The following SGF29 variants were observed in gnomAD, a reference collection of about 807,000 sequenced individuals.
The protein encoded by SGF29 is SAGA-associated factor 29.
SGF29 carries 15 observed loss-of-function variants against 38.1 expected under a neutral mutation model. The ratio of observed to expected loss-of-function variants is 0.39; its 90% CI spans 0.26 to 0.61. SGF29 has a LOEUF of 0.61. SGF29 is among the 20% of genes least tolerant of loss of function. The pLI is 0.49. For missense variants in SGF29, 184 were observed against 394.6 expected (o/e 0.47, Z 4.52); for synonymous variants, 151 against 160.8 (o/e 0.94, Z 0.46).
At chr16:28,564,634 C>CGT (rs1567285764) in intron 1 of SGF29, among the ~76,000 whole-genome samples, 1 of 86,570 alleles carries the variant, frequency 1.2e-5, no homozygotes, top group South Asian at 3.0e-4. Flanking sequence ...CATATATATA[C>CGT]GTATATATGT....
intron 1 of SGF29, among the ~76,000 whole-genome samples, chr16:28,564,292 C>A (rs1328138596): frequency 6.6e-6 from 1 of 151,612 alleles, no homozygotes; most frequent in Non-Finnish European, 1.5e-5. Flanking sequence ...AATTGGGAGC[C>A]TTGAGAGGTC....
At chr16:28,585,175 G>A in intron 3 of SGF29, 187 bp downstream of exon 3, 1 of 570,350 alleles carries the variant, frequency 1.8e-6, no homozygotes, top group South Asian at 2.3e-5. Flanking sequence ...CCTCTACTCT[G>A]AGGATTCGAA....
At chr16:28,584,788 CAAA>C (rs377573618) in intron 2 of SGF29, 122 bp from the exon 3 acceptor site, 10,073 of 408,596 alleles carry the variant, frequency 0.025, no homozygotes, top group South Asian at 0.032. Flanking sequence ...GACTCCATCT[CAAA>C]AAAAAAAAAA....
intron 2 of SGF29, among the ~76,000 whole-genome samples, chr16:28,583,057 G>GA (rs1390286595): frequency 3.9e-5 from 6 of 152,222 alleles, no homozygotes; most frequent in Non-Finnish European, 5.9e-5. Context: ...AGCTGCTGCC[G>GA]AGTTCCCAGA....
At position 28,564,695 on chromosome 16, in the gene SGF29, A is replaced by G. The variant is rs377227633; in HGVS notation, c.-16+10598A>G. Among the ~76,000 whole-genome samples, 85 of 51,870 alleles carry G rather than the reference A, an allele frequency of 1.6e-3. 3 individuals are homozygous for G. The highest frequency in any genetic ancestry group is 2.4e-3 in the Non-Finnish European group (53 of 21,672). The allele number at this position is 51,870 out of a possible 152,430, so 34.0% of individuals were successfully genotyped here. On this transcript the variant is annotated intron_variant, in intron 1 of 9. Transcript: ENST00000317058. ...TATATGTATATATATGTGTATATAT[A>G]TGTATATATATACATATATATGTAT... is the stretch of plus-strand genomic sequence containing the variant.
chr16:28,577,839 G>A (rs1334472987), intron 1 of SGF29, among the ~76,000 whole-genome samples: 3 of 152,138 alleles, frequency 2.0e-5, no homozygotes, highest in Admixed American at 6.6e-5. Flanking sequence ...TCTTTTACAT[G>A]TGGATATTCA....
At chr16:28,554,709 TC>T in intron 1 of SGF29, among the ~76,000 whole-genome samples, 2 of 152,146 alleles carry the variant, frequency 1.3e-5, no homozygotes, top group South Asian at 4.1e-4. Context: ...AAGGCCTTAG[TC>T]TACCCTCACT....
chr16:28,555,272 C>T (rs912984612), intron 1 of SGF29, among the ~76,000 whole-genome samples: 11 of 151,102 alleles, frequency 7.3e-5, no homozygotes, highest in African/African-American at 2.2e-4. Flanking sequence ...GAGACCAGCC[C>T]GAGCAACGTG....
intron 1 of SGF29, among the ~76,000 whole-genome samples, chr16:28,576,522 G>A (rs2046895166): frequency 1.3e-5 from 2 of 151,994 alleles, no homozygotes; most frequent in African/African-American, 4.8e-5. Flanking sequence ...CCAACGTGGT[G>A]AAACCCCATC....
intron 1 of SGF29, among the ~76,000 whole-genome samples, chr16:28,561,032 G>A (rs1435658121): frequency 1.3e-5 from 2 of 150,896 alleles, no homozygotes; most frequent in Non-Finnish European, 3.0e-5. Context: ...CAACTGACAA[G>A]AATTCTAAAA....
intron 1 of SGF29, among the ~76,000 whole-genome samples, chr16:28,562,860 G>A (rs1163062743): frequency 6.8e-6 from 1 of 146,456 alleles, no homozygotes; most frequent in African/African-American, 2.5e-5. Flanking sequence ...GCCGAGATTG[G>A]GCCACTGCAC....
intron 1 of SGF29, among the ~76,000 whole-genome samples, chr16:28,577,134 C>G (rs2046899094): frequency 6.6e-6 from 1 of 151,924 alleles, no homozygotes; most frequent in African/African-American, 2.4e-5. Context: ...TGCCATTGCA[C>G]TCCAGCCTCG....
intron 1 of SGF29, among the ~76,000 whole-genome samples, chr16:28,580,573 T>G (rs969243459): frequency 4.6e-5 from 7 of 152,222 alleles, no homozygotes; most frequent in African/African-American, 1.7e-4. Flanking sequence ...GCACACCCTA[T>G]TCCACTATGA....
At position 28,587,011 on chromosome 16, in the gene SGF29, T is replaced by G. The variant is rs560654114; in HGVS notation, c.224+1291T>G. Among the ~76,000 whole-genome samples the G allele has an allele frequency of 6.6e-5, 10 of 152,202 alleles. No homozygotes were observed. The East Asian group carries it at 1.9e-3, about 29-fold the overall frequency. On this transcript the variant is annotated intron_variant, in intron 4 of 9. Coordinates refer to ENST00000317058, the MANE Select transcript of SGF29 (RefSeq NM_138414.3). ...AATAGGCACCTGCCACCACTCCACC[T>G]AATTTTTGTATTTTTTGTAGAGAGG...
rs114883316 is a variant in SGF29 at position 28,559,318 on chromosome 16, C to T, written c.-16+5221C>T. Among the ~76,000 whole-genome samples the T allele has an allele frequency of 6.2e-3, 944 of 152,214 alleles. 12 individuals carry two copies. Among genetic ancestry groups the T allele is most frequent in the African/African-American group, 0.021 (882 of 41,524 alleles). ...CTGGGCAATGAGAGTGAGACCCTGT[C>T]TCAAATAAGTAGATAGAGAGATAGA... is the stretch of plus-strand genomic sequence containing the variant. On this transcript the variant is annotated intron_variant, in intron 1 of 9. Coordinates refer to ENST00000317058, the MANE Select transcript of SGF29 (RefSeq NM_138414.3).
In SGF29 at chr16:28,590,481, G is replaced by A. The variant is rs4149409; in HGVS notation, c.566+39G>A. 0.042 allele frequency: 68,583 copies of A among 1,613,756 alleles called. 2,244 individuals carry two copies. The highest frequency in any genetic ancestry group is 0.16 in the East Asian group (7,037 of 44,862). ...ACCCTGGGGCTGCTCTCTGGTCACCGAACTTGCCTGGGCTACGGGAGAAAA... is the reference window on the plus strand; with the variant it reads ...ACCCTGGGGCTGCTCTCTGGTCACCAAACTTGCCTGGGCTACGGGAGAAAA... On this transcript the variant is annotated intron_variant, in intron 7 of 9. Coordinates refer to ENST00000317058, the MANE Select transcript of SGF29 (RefSeq NM_138414.3). The surrounding 1 kb of genome is among the most constrained non-coding windows in gnomAD (Gnocchi z 8.2).
At chr16:28,564,666 C>CATATATGTAT (rs1555474841) in intron 1 of SGF29, among the ~76,000 whole-genome samples, 3 of 61,608 alleles carry the variant, frequency 4.9e-5, no homozygotes, top group Non-Finnish European at 7.2e-5. Flanking sequence ...TATATATATG[C>CATATATGTAT]ATATATATGT....
intron 1 of SGF29, 84 bp from the exon 2 acceptor site, chr16:28,580,971 G>T: frequency 9.8e-7 from 1 of 1,017,836 alleles, no homozygotes; most frequent in Non-Finnish European, 1.5e-6. Context: ...TGAGCCTCCA[G>T]GCCTAATGTA....
intron 1 of SGF29, among the ~76,000 whole-genome samples, chr16:28,555,671 C>A (rs1377600474): frequency 6.6e-6 from 1 of 152,168 alleles, no homozygotes; most frequent in African/African-American, 2.4e-5. Context: ...AGCAAACCCT[C>A]AGGAAACTCA....
Sources: gnomAD v4.1 joint callset for allele counts (sites outside exome capture counted in the v4.1 genomes callset) on GRCh38, gnomAD v4.1.1 for gene constraint, Gnocchi (gnomAD v3.1) non-coding constraint, MANE v1.5 for transcripts, NCBI Gene and HGNC (gene_info 2026-07-23, HGNC 2026-07-21) for gene names.